Variants in MC2R observed in about 807,000 individuals in gnomAD.
MC2R encodes the protein adrenocorticotropic hormone receptor.
A neutral mutation model predicts 9.8 loss-of-function variants in MC2R; 9 were observed. The ratio of observed to expected loss-of-function variants is 0.92; its 90% CI spans 0.55 to 1.60. The LOEUF is 1.60. MC2R is among the 40% of genes most tolerant of loss of function. MC2R has a pLI of 0.00. For synonymous variants in MC2R, 185 were observed against 154.7 expected, an observed-to-expected ratio of 1.20 and a Z score of -1.45; for missense variants, 370 against 389.0, an observed-to-expected ratio of 0.95 and a Z score of 0.41.
At chr18:13,914,731 G>A (rs1001875256) in intron 1 of MC2R, among the ~76,000 whole-genome samples, 3 of 152,184 alleles carry the variant, frequency 2.0e-5, no homozygotes, top group Non-Finnish European at 4.4e-5. Flanking sequence ...GAAATATGAA[G>A]AAGAGCTGTT....
intron 1 of MC2R, among the ~76,000 whole-genome samples, chr18:13,889,570 A>G (rs1460741853): frequency 1.3e-5 from 2 of 152,178 alleles, no homozygotes; most frequent in Non-Finnish European, 2.9e-5. Flanking sequence ...GCACAAGAAC[A>G]TGGCCCCGGA....
intron 1 of MC2R, among the ~76,000 whole-genome samples, chr18:13,903,606 A>G (rs2045393370): frequency 1.3e-5 from 2 of 152,208 alleles, no homozygotes. Context: ...TCACTTATTT[A>G]TGGGATCTAA....
intron 1 of MC2R, among the ~76,000 whole-genome samples, chr18:13,899,793 T>C (rs926961518): frequency 2.6e-5 from 4 of 152,074 alleles, no homozygotes; most frequent in Non-Finnish European, 5.9e-5. Flanking sequence ...AATAACAACC[T>C]TCCCAGACAA....
chr18:13,890,468 C>A (rs1017728901), intron 1 of MC2R, among the ~76,000 whole-genome samples: 1 of 152,068 alleles, frequency 6.6e-6, no homozygotes, highest in Non-Finnish European at 1.5e-5. Context: ...TTAGAGAGAG[C>A]CAGTGTAGGA....
At chr18:13,910,205 C>A (rs1267315489) in intron 1 of MC2R, among the ~76,000 whole-genome samples, 1 of 152,126 alleles carries the variant, frequency 6.6e-6, no homozygotes, top group African/African-American at 2.4e-5. Context: ...TGCTTTTGTG[C>A]CTTTGTTGAA....
At chr18:13,915,007 C>T (rs141285615) in intron 1 of MC2R, among the ~76,000 whole-genome samples, 53 of 152,332 alleles carry the variant, frequency 3.5e-4, no homozygotes, top group African/African-American at 1.1e-3. Flanking sequence ...TAACGTCACA[C>T]GTGTGGATGG....
intron 1 of MC2R, among the ~76,000 whole-genome samples, chr18:13,890,203 G>A (rs1333959726): frequency 1.3e-5 from 2 of 152,310 alleles, no homozygotes; most frequent in East Asian, 3.9e-4. Context: ...TGTGGTTTAG[G>A]AAGGGAGTTA....
At chr18:13,891,558 G>A (rs2045315732) in intron 1 of MC2R, among the ~76,000 whole-genome samples, 2 of 152,342 alleles carry the variant, frequency 1.3e-5, no homozygotes, top group South Asian at 4.1e-4. Context: ...CTGAGTGCCT[G>A]CCCCTTCCCT....
In MC2R at chr18:13,885,102, G is replaced by C. The variant is rs771925058; in HGVS notation, c.417C>G (p.His139Gln). 68 of 1,614,186 alleles carry C rather than the reference G, an allele frequency of 4.2e-5. No homozygotes were observed. The South Asian group carries it at 7.0e-4, about 17-fold the overall frequency. The change falls in exon 2 of 2, where the codon CAC (histidine) becomes CAG (glutamine). Residue 139 changes from histidine (H) to glutamine (Q), a missense_variant. His to Gln is a conservative substitution (Grantham distance 24). Transcript: ENST00000327606. ...YITIFHALRY[H>Q]SIVTMRRTVV... ...CAGTGCGGCGCATGGTCACGATGCT[G>C]TGGTACCGCAGTGCGTGGAAGATGG... is the stretch of plus-strand genomic sequence containing the variant.
At chr18:13,900,457 A>C (rs2045372208) in intron 1 of MC2R, among the ~76,000 whole-genome samples, 1 of 152,082 alleles carries the variant, frequency 6.6e-6, no homozygotes, top group Admixed American at 6.6e-5. Context: ...AAGACACAGA[A>C]TGGCTGAATG....
chr18:13,904,410 A>C (rs112535565), intron 1 of MC2R, among the ~76,000 whole-genome samples: 3,180 of 150,852 alleles, frequency 0.021, 98 homozygotes, highest in African/African-American at 0.075. Flanking sequence ...GTCATAATAA[A>C]GGCCATATGT....
chr18:13,897,575 A>G (rs2045353875), intron 1 of MC2R, among the ~76,000 whole-genome samples: 1 of 152,014 alleles, frequency 6.6e-6, no homozygotes, highest in Non-Finnish European at 1.5e-5. Flanking sequence ...CTCTAACTCT[A>G]AGCTGCACAG....
At position 13,882,943 on chromosome 18, in the gene MC2R, A is replaced by G. The variant is rs2045242098; in HGVS notation, c.*1682T>C. 6.6e-6 allele frequency: 1 copy of G among 152,212 alleles called. No individual in the cohort carries two copies. The highest frequency in any genetic ancestry group is 6.5e-5 in the Admixed American group (1 of 15,278). The allele number at this position is 152,212 out of a possible 1,614,324, so 9.4% of individuals were successfully genotyped here. A position where few individuals can be genotyped will look rare whatever the true frequency, so the allele number is the denominator to read the frequency against. On this transcript the variant is annotated 3_prime_UTR_variant, in exon 2 of 2. Coordinates refer to ENST00000327606, the MANE Select transcript of MC2R (RefSeq NM_000529.2). The stretch of plus-strand genomic sequence containing the variant: ...AAGGATTTCTACAGAACAGAGGACA[A>G]GAAGGTGCACCTTTCACCTCCATCT...
intron 1 of MC2R, among the ~76,000 whole-genome samples, chr18:13,906,120 A>T (rs959061479): frequency 2.0e-5 from 3 of 152,242 alleles, no homozygotes; most frequent in African/African-American, 7.2e-5. Flanking sequence ...CTATAAAGAC[A>T]CATGCACACG....
At position 13,884,038 on chromosome 18, in the gene MC2R, AAG is replaced by A. The variant is rs1429078683; in HGVS notation, c.*585_*586del. On this transcript the variant is annotated 3_prime_UTR_variant, in exon 2 of 2. Transcript: ENST00000327606. ...TCAATACATCAGACTAACAGGGAGA[AAG>A]AGGAGGGTGGAGATTCCACATGGCT... The A allele has an allele frequency of 5.9e-6, 1 of 168,768 alleles. No individual in the cohort carries two copies. The highest frequency in any genetic ancestry group is 1.5e-4 in the East Asian group (1 of 6,462). The allele number at this position is 168,768 out of a possible 1,614,324, so 10.5% of individuals were successfully genotyped here. A position where few individuals can be genotyped will look rare whatever the true frequency, so the allele number is the denominator to read the frequency against.
chr18:13,911,313 T>A (rs1335355547), intron 1 of MC2R, among the ~76,000 whole-genome samples: 1 of 152,222 alleles, frequency 6.6e-6, no homozygotes, highest in Non-Finnish European at 1.5e-5. Flanking sequence ...GTCCTTGTTT[T>A]ACCTTAAAAA....
chr18:13,904,380 CAAAA>C lies in MC2R; in HGVS notation c.-129+11104_-129+11107del, dbSNP rs56308792. On this transcript the variant is annotated intron_variant, in intron 1 of 1. Transcript: ENST00000327606. ...TGGGTGACAGAGCAAGACCCCGTCT[CAAAA>C]AAAAAAAAAAAAAAAGTCATAATAA... 2.0e-3 allele frequency among the ~76,000 whole-genome samples: 188 copies of C among 94,984 alleles called. 3 individuals are homozygous for C. Among genetic ancestry groups the C allele is most frequent in the African/African-American group, 6.2e-3 (177 of 28,338 alleles). The allele number at this position is 94,984 out of a possible 152,430, so 62.3% of individuals were successfully genotyped here.
At chr18:13,895,382 C>T (rs2045340275) in intron 1 of MC2R, among the ~76,000 whole-genome samples, 1 of 152,192 alleles carries the variant, frequency 6.6e-6, no homozygotes, top group Admixed American at 6.5e-5. Context: ...CCTTCACTCT[C>T]CTCCTAGACA....
At chr18:13,892,327 GA>G (rs1483462473) in intron 1 of MC2R, among the ~76,000 whole-genome samples, 1 of 150,770 alleles carries the variant, frequency 6.6e-6, no homozygotes, top group Non-Finnish European at 1.5e-5. Flanking sequence ...CTCAAACTTA[GA>G]AAACAGAGGA....
Sources: gnomAD v4.1 joint callset for allele counts (sites outside exome capture counted in the v4.1 genomes callset) on GRCh38, gnomAD v4.1.1 for gene constraint, MANE v1.5 for transcripts, NCBI Gene and HGNC (gene_info 2026-07-23, HGNC 2026-07-21) for gene names.